USP32: variants seen among roughly 807,000 people sequenced by gnomAD.
The protein encoded by USP32 is ubiquitin specific peptidase 32, also known as ubiquitin carboxyl-terminal hydrolase 32.
In USP32, 59 loss-of-function variants were observed where a neutral mutation model predicts 204.8. The ratio of observed to expected loss-of-function variants is 0.29; its 90% confidence interval spans 0.23 to 0.36. The LOEUF (loss-of-function observed/expected upper bound fraction) is 0.36, where lower values mean the gene tolerates loss of function less well. Ranked by LOEUF, USP32 falls within the 10% of genes least tolerant of loss-of-function variation. The pLI is 1.00. For synonymous variants in USP32, 517 were observed against 678.4 expected (o/e 0.76, Z 3.70); for missense variants, 1,160 against 1,946.4 (o/e 0.60, Z 7.60).
chr17:60,273,689 T>C (rs2086773933), intron 5 of USP32, among the ~76,000 whole-genome samples: 1 of 152,192 alleles, frequency 6.6e-6, no homozygotes, highest in Non-Finnish European at 1.5e-5. Flanking sequence ...CTGGATGTGA[T>C]GGCTCATGCC....
chr17:60,399,171 C>T (rs2089918406), intron 1 of USP32, among the ~76,000 whole-genome samples: 1 of 152,070 alleles, frequency 6.6e-6, no homozygotes, highest in Non-Finnish European at 1.5e-5. Context: ...TCCACTGTGC[C>T]TACTCTGTGG....
chr17:60,282,746 T>C (rs1374215384), intron 5 of USP32, among the ~76,000 whole-genome samples: 1 of 152,240 alleles, frequency 6.6e-6, no homozygotes, highest in Non-Finnish European at 1.5e-5. Context: ...CTCCCCTTGG[T>C]ATGGCTTTAG....
At chr17:60,246,480 T>C (rs1366499921) in intron 11 of USP32, among the ~76,000 whole-genome samples, 1 of 152,164 alleles carries the variant, frequency 6.6e-6, no homozygotes, top group Non-Finnish European at 1.5e-5. Context: ...TCTTGGCTAT[T>C]GTAAGTAGTG....
At chr17:60,269,305 T>C (rs549205508) in intron 7 of USP32, 145 bp downstream of exon 7, 1 of 627,846 alleles carries the variant, frequency 1.6e-6, no homozygotes, top group African/African-American at 1.9e-5. Flanking sequence ...GTGACCTCAG[T>C]AAAACCCTAA....
chr17:60,192,999 T>A, intron 27 of USP32, 69 bp from the exon 28 acceptor site: 1 of 1,528,676 alleles, frequency 6.5e-7, no homozygotes, highest in Non-Finnish European at 9.0e-7. Context: ...CTCTTCATCT[T>A]CTCTTGAAGT....
intron 5 of USP32, among the ~76,000 whole-genome samples, chr17:60,286,136 CA>C (rs1170911336): frequency 0.045 from 3,791 of 84,142 alleles, 139 homozygotes; most frequent in African/African-American, 0.11. Context: ...ACAGTGTGTC[CA>C]AAAAAAAAAA....
chr17:60,187,250 A>G (rs1326822940), intron 29 of USP32, among the ~76,000 whole-genome samples: 1 of 152,236 alleles, frequency 6.6e-6, no homozygotes, highest in African/African-American at 2.4e-5. Context: ...GCTGGATTTG[A>G]TCGTGCAATT....
chr17:60,222,495 G>C lies in USP32; in HGVS notation c.1663C>G (p.His555Asp). The C allele has an allele frequency of 1.2e-6, 2 of 1,614,052 alleles. No individual in the cohort carries two copies. The highest frequency in any genetic ancestry group is 1.7e-6 in the Non-Finnish European group (2 of 1,180,006). The change falls in exon 15 of 34, where the codon CAT becomes GAT. Residue 555 changes from histidine (H) to aspartate (D), a missense_variant. His to Asp is a moderately conservative substitution (Grantham distance 81). This residue lies in a region of USP32 where 536 missense variants were observed against 680.9 expected (regional missense o/e 0.79). Transcript: ENST00000300896. ...GRLKRTPQLI[H>D]GRDYEMVPEP... The stretch of plus-strand genomic sequence containing the variant: ...GGGACCATTTCATAGTCTCTTCCAT[G>C]AATCAGCTGTGGAGTTCGTTTTAAT...
At chr17:60,249,482 T>G (rs2086114683) in intron 11 of USP32, 1 of 461,150 alleles carries the variant, frequency 2.2e-6, no homozygotes, top group Non-Finnish European at 3.8e-6. Flanking sequence ...CTAACCAGTA[T>G]TTTATCCCCA....
chr17:60,405,650 T>C (rs2089969807), intron 1 of USP32, among the ~76,000 whole-genome samples: 1 of 152,128 alleles, frequency 6.6e-6, no homozygotes, highest in Non-Finnish European at 1.5e-5. Context: ...TAGTCCCAGC[T>C]GCTCAAGAGG....
At chr17:60,405,727 C>T (rs1486378361) in intron 1 of USP32, among the ~76,000 whole-genome samples, 1 of 152,148 alleles carries the variant, frequency 6.6e-6, no homozygotes, top group African/African-American at 2.4e-5. Flanking sequence ...CACACCACTG[C>T]ATTCCTGCCT....
At chr17:60,395,557 T>A (rs2089894931), upstream of USP32, among the ~76,000 whole-genome samples, 1 of 152,246 alleles carries the variant, frequency 6.6e-6, no homozygotes, top group Non-Finnish European at 1.5e-5. Context: ...GTCTGAAGTC[T>A]GCTTGTCATG....
At chr17:60,220,480 A>T (rs974209539) in intron 15 of USP32, among the ~76,000 whole-genome samples, 1 of 152,010 alleles carries the variant, frequency 6.6e-6, no homozygotes, top group African/African-American at 2.4e-5. Context: ...ATTTGGATGT[A>T]AAAAAAACTC....
At chr17:60,235,057 A>G (rs1445258766) in intron 12 of USP32, among the ~76,000 whole-genome samples, 1 of 152,192 alleles carries the variant, frequency 6.6e-6, no homozygotes, top group Non-Finnish European at 1.5e-5. Context: ...TGTTCTTGTC[A>G]GTGCAGTTCA....
chr17:60,348,132 A>C (rs890024879), intron 1 of USP32, among the ~76,000 whole-genome samples: 5 of 152,092 alleles, frequency 3.3e-5, no homozygotes, highest in Non-Finnish European at 5.9e-5. Flanking sequence ...AAAAAAAAAA[A>C]AAGAGTAAGT....
Position 60,323,120 on chromosome 17 carries a change from T to C in USP32, c.187-21416A>G, listed in dbSNP as rs1221707353. On this transcript the variant is annotated intron_variant, in intron 2 of 33. Transcript: ENST00000300896. ...TCAAAAAGTTAAATGAAGAGTTCCA[T>C]ATGACCCAGAAATTCCATGCAAGGT... 3.3e-5 allele frequency among the ~76,000 whole-genome samples: 5 copies of C among 152,266 alleles called. No individual in the cohort carries two copies. The East Asian group carries it at 9.6e-4, about 29-fold the overall frequency.
At chr17:60,194,675 T>C (rs1442570869) in intron 27 of USP32, among the ~76,000 whole-genome samples, 1 of 152,208 alleles carries the variant, frequency 6.6e-6, no homozygotes, top group Non-Finnish European at 1.5e-5. Flanking sequence ...CCACCCCATA[T>C]GTAAACCCTC....
chr17:60,353,795 T>C (rs2089008017), intron 1 of USP32, among the ~76,000 whole-genome samples: 1 of 152,176 alleles, frequency 6.6e-6, no homozygotes, highest in African/African-American at 2.4e-5. Context: ...TACAAAGTCA[T>C]ATGAAGAGAT....
At chr17:60,221,869 G>A (rs1275051810) in intron 15 of USP32, among the ~76,000 whole-genome samples, 1 of 152,128 alleles carries the variant, frequency 6.6e-6, no homozygotes, top group Non-Finnish European at 1.5e-5. Context: ...AAAAGTGAGT[G>A]TCCAGAGTAC....
Sources: gnomAD v4.1 joint callset for allele counts (sites outside exome capture counted in the v4.1 genomes callset) on GRCh38, gnomAD v4.1.1 for gene constraint, gnomAD v4.1.1 regional missense constraint, MANE v1.5 for transcripts, NCBI Gene and HGNC (gene_info 2026-07-23, HGNC 2026-07-21) for gene names.